CDH13: variants seen among roughly 807,000 people sequenced by gnomAD.
CDH13 encodes cadherin 13.
Under a neutral mutation model 63.8 loss-of-function variants are expected in CDH13, and 24 were observed. The observed-to-expected ratio is 0.38, with a 90% CI of 0.27 to 0.53. The LOEUF (loss-of-function observed/expected upper bound fraction) is 0.53. Ranked by LOEUF, CDH13 falls within the 20% of genes least tolerant of loss-of-function variation. CDH13 has a pLI of 0.85. For synonymous variants in CDH13, 503 were observed against 355.3 expected (o/e 1.42, Z -4.67); for missense variants, 1,049 against 903.1 (o/e 1.16, Z -2.07).
chr16:83,751,292 A>G (rs1186406373), intron 11 of CDH13, among the ~76,000 whole-genome samples: 1 of 152,126 alleles, frequency 6.6e-6, no homozygotes, highest in Non-Finnish European at 1.5e-5. Context: ...CTCCAGAATA[A>G]ACATTGTGTT....
rs373219627 is a variant in CDH13 at position 82,650,478 on chromosome 16, C to T, written c.45+23341C>T. ...CTTGGAGAAGCCTGCACACCACAGACTTGGCATGAGAAGTCCTAAAAGCCT... is the reference window on the plus strand; with the variant it reads ...CTTGGAGAAGCCTGCACACCACAGATTTGGCATGAGAAGTCCTAAAAGCCT... On this transcript the variant is annotated intron_variant, in intron 1 of 13. Coordinates refer to ENST00000567109, the MANE Select transcript of CDH13 (RefSeq NM_001257.5). Among the ~76,000 whole-genome samples the T allele has an allele frequency of 7.2e-5, 11 of 152,264 alleles. No homozygotes were observed. In the East Asian group the frequency reaches 2.1e-3, roughly 29 times the overall value.
In CDH13 at chr16:82,797,807, G is replaced by GTGTGTA. The variant is rs147687670; in HGVS notation, c.46-60554_46-60553insGTGTAT. Among the ~76,000 whole-genome samples, 322 of 150,292 alleles carry GTGTGTA rather than the reference G, an allele frequency of 2.1e-3. 2 individuals are homozygous for GTGTGTA. The highest frequency in any genetic ancestry group is 6.8e-3 in the Middle Eastern group (2 of 294). On this transcript the variant is annotated intron_variant, in intron 1 of 13. Transcript: ENST00000567109. ...TGTGTGTGTGTGTGTGTGTGTGTGT[G>GTGTGTA]TATACATGTGTATGTGTACATACTT...
chr16:83,156,107 C>T (rs2037197449), intron 4 of CDH13, among the ~76,000 whole-genome samples: 1 of 152,154 alleles, frequency 6.6e-6, no homozygotes, highest in Non-Finnish European at 1.5e-5. Flanking sequence ...GCTAGGGGAA[C>T]CCCAGTACTA....
At chr16:83,260,808 T>C (rs8061579) in intron 5 of CDH13, among the ~76,000 whole-genome samples, 58,041 of 151,982 alleles carry the variant, frequency 0.38, 11,225 homozygotes, top group Admixed American at 0.41. Context: ...AAGCCTTCGA[T>C]TGAATATTTA....
intron 3 of CDH13, among the ~76,000 whole-genome samples, chr16:83,052,313 A>C (rs1259808130): frequency 6.6e-6 from 1 of 152,224 alleles, no homozygotes; most frequent in East Asian, 1.9e-4. Flanking sequence ...GAAGCAGCAC[A>C]CCATCCTATA....
chr16:82,797,146 C>G lies in CDH13; in HGVS notation c.46-61216C>G, dbSNP rs570915066. ...AGGTTCTAGTTTTTATAATAATGTT[C>G]AATAGTTTTTCCTATACGTCACTCT... is the stretch of plus-strand genomic sequence containing the variant. On this transcript the variant is annotated intron_variant, in intron 1 of 13. Coordinates refer to ENST00000567109, the MANE Select transcript of CDH13 (RefSeq NM_001257.5). Among the ~76,000 whole-genome samples the G allele has an allele frequency of 2.6e-5, 4 of 152,232 alleles. No individual in the cohort carries two copies. The South Asian group carries it at 8.3e-4, about 32-fold the overall frequency.
At chr16:82,966,280 C>A (rs1907806176) in intron 2 of CDH13, among the ~76,000 whole-genome samples, 2 of 152,278 alleles carry the variant, frequency 1.3e-5, no homozygotes, top group South Asian at 4.2e-4. Context: ...TCCCGAGTAG[C>A]TGGGACTACA....
At chr16:83,121,018 T>A (rs2035546066) in intron 3 of CDH13, among the ~76,000 whole-genome samples, 1 of 152,198 alleles carries the variant, frequency 6.6e-6, no homozygotes, top group African/African-American at 2.4e-5. Context: ...CGCCTCGGCC[T>A]CCCAAAGTGC....
chr16:83,529,941 G>C (rs956075397), intron 7 of CDH13, among the ~76,000 whole-genome samples: 3 of 152,132 alleles, frequency 2.0e-5, no homozygotes, highest in Admixed American at 6.5e-5. Flanking sequence ...TACAGTCCTA[G>C]TTAAGTAGGA....
intron 10 of CDH13, among the ~76,000 whole-genome samples, chr16:83,709,454 C>T (rs1172629877): frequency 1.3e-5 from 2 of 152,232 alleles, no homozygotes; most frequent in Non-Finnish European, 1.5e-5. Flanking sequence ...CCAAGTTTTC[C>T]ACTCTAGGGG....
intron 1 of CDH13, among the ~76,000 whole-genome samples, chr16:82,769,814 C>T (rs2151094961): frequency 6.6e-6 from 1 of 152,258 alleles, no homozygotes; most frequent in Non-Finnish European, 1.5e-5. Context: ...GAATGCATTG[C>T]AATTAAAAAG....
chr16:83,345,474 C>T (rs2090820291), intron 6 of CDH13, among the ~76,000 whole-genome samples: 1 of 152,166 alleles, frequency 6.6e-6, no homozygotes, highest in Non-Finnish European at 1.5e-5. Flanking sequence ...ATGAAGAAAT[C>T]TTTTGTCTTC....
At chr16:83,223,983 C>T (rs145428722) in intron 5 of CDH13, among the ~76,000 whole-genome samples, 1 of 152,146 alleles carries the variant, frequency 6.6e-6, no homozygotes, top group East Asian at 1.9e-4. Flanking sequence ...ATTCCTCATT[C>T]CCTTCCCACT....
At chr16:83,474,662 A>T (rs2073554864) in intron 6 of CDH13, among the ~76,000 whole-genome samples, 1 of 152,210 alleles carries the variant, frequency 6.6e-6, no homozygotes, top group African/African-American at 2.4e-5. Context: ...AGCAAATTAA[A>T]GCAGAAGCCA....
chr16:82,981,447 C>T (rs1315437350), intron 2 of CDH13, among the ~76,000 whole-genome samples: 8 of 152,026 alleles, frequency 5.3e-5, no homozygotes, highest in Non-Finnish European at 1.2e-4. Context: ...CTGTGAATGT[C>T]TCATCATTCT....
chr16:83,130,915 G>A (rs1256747878), intron 4 of CDH13, among the ~76,000 whole-genome samples: 1 of 152,166 alleles, frequency 6.6e-6, no homozygotes, highest in Non-Finnish European at 1.5e-5. Flanking sequence ...AGCCCTTGGT[G>A]GAGGGTTTTT....
At chr16:83,570,971 A>ATATATATATATATATAT (rs57205262) in intron 7 of CDH13, among the ~76,000 whole-genome samples, 9 of 117,236 alleles carry the variant, frequency 7.7e-5, no homozygotes, top group African/African-American at 1.7e-4. Flanking sequence ...ATATATATAT[A>ATATATATATATATATAT]AAAACCTTCT....
chr16:83,159,597 AAG>A (rs1253880099), intron 4 of CDH13, among the ~76,000 whole-genome samples: 1 of 152,240 alleles, frequency 6.6e-6, no homozygotes, highest in Non-Finnish European at 1.5e-5. Context: ...GCACATAAAA[AAG>A]AGCCTTAGCA....
chr16:83,024,755 C>CA (rs1193608764), intron 2 of CDH13, among the ~76,000 whole-genome samples: 1 of 152,184 alleles, frequency 6.6e-6, no homozygotes, highest in African/African-American at 2.4e-5. Context: ...TTGTCTTCAC[C>CA]AACAATCCGT....
Sources: gnomAD v4.1 joint callset for allele counts (sites outside exome capture counted in the v4.1 genomes callset) on GRCh38, gnomAD v4.1.1 for gene constraint, MANE v1.5 for transcripts, NCBI Gene and HGNC (gene_info 2026-07-23, HGNC 2026-07-21) for gene names.